Variants in LMF1 observed in about 807,000 individuals in gnomAD.
LMF1 encodes the protein transmembrane protein 112.
A neutral mutation model predicts 60.6 loss-of-function variants in LMF1; 68 were observed. The ratio of observed to expected loss-of-function variants is 1.12; its 90% CI spans 0.92 to 1.37. LMF1 has a LOEUF of 1.37. Among genes scored for constraint, LMF1 ranks in the 40% most tolerant of loss-of-function variants. The pLI is 0.00. For missense variants in LMF1, 948 were observed against 767.2 expected (o/e 1.24, Z -2.78); for synonymous variants, 418 against 324.7 (o/e 1.29, Z -3.09).
At chr16:981,485 C>G (rs2073375938), upstream of LMF1, 2 of 247,274 alleles carry the variant, frequency 8.1e-6, no homozygotes, top group South Asian at 6.0e-5. Context: ...GGAGAGGAAG[C>G]GCCGGAGACC....
intron 3 of LMF1, among the ~76,000 whole-genome samples, chr16:914,634 A>G: frequency 7.0e-6 from 1 of 143,160 alleles, no homozygotes. Flanking sequence ...CATTGGTGAC[A>G]CACTCCCTCC....
upstream of LMF1, chr16:981,343 AGAGAGTGT>A (rs1328595022): frequency 2.8e-3 from 653 of 232,654 alleles, no homozygotes; most frequent in African/African-American, 0.011. Context: ...AGAGAGAGAG[AGAGAGTGT>A]GTGTGTGTGT....
chr16:932,153 A>G (rs1025033984), intron 3 of LMF1, among the ~76,000 whole-genome samples: 1 of 152,204 alleles, frequency 6.6e-6, no homozygotes, highest in South Asian at 2.1e-4. Flanking sequence ...TGCCTCTGGG[A>G]GTCCACTGCC....
intron 5 of LMF1, among the ~76,000 whole-genome samples, chr16:889,297 C>A (rs762041403): frequency 6.6e-6 from 1 of 152,044 alleles, no homozygotes; most frequent in African/African-American, 2.4e-5. Context: ...CTGAATTTGC[C>A]GGCAACTGCC....
chr16:970,351 A>G (rs2073015474), intron 1 of LMF1, among the ~76,000 whole-genome samples: 2 of 152,116 alleles, frequency 1.3e-5, no homozygotes, highest in Admixed American at 1.3e-4. Context: ...GGACAGCAGG[A>G]GCGCCTCGCC....
intron 2 of LMF1, among the ~76,000 whole-genome samples, chr16:948,407 G>A (rs113381936): frequency 0.018 from 2,764 of 149,614 alleles, 137 homozygotes; most frequent in African/African-American, 0.065. Context: ...GCCAACGACA[G>A]AGTCAAAGCC....
intron 1 of LMF1, among the ~76,000 whole-genome samples, chr16:967,944 G>A (rs532811308): frequency 2.0e-5 from 3 of 151,946 alleles, no homozygotes; most frequent in African/African-American, 4.8e-5. Context: ...CTAGGGACCC[G>A]AGTCCACACG....
chr16:981,096 C>T (rs1330784970), intron 1 of LMF1: 13 of 368,724 alleles, frequency 3.5e-5, no homozygotes, highest in Non-Finnish European at 7.2e-5. Context: ...ATGGGCAGGG[C>T]GGCCCGGGGT....
At chr16:979,895 G>A (rs906644002) in intron 1 of LMF1, 5 of 394,132 alleles carry the variant, frequency 1.3e-5, no homozygotes, top group Non-Finnish European at 2.6e-5. Context: ...CGCCCCAGGC[G>A]ATGCTCTGAG....
chr16:923,555 G>A (rs938255409), intron 3 of LMF1, among the ~76,000 whole-genome samples: 5 of 152,158 alleles, frequency 3.3e-5, no homozygotes, highest in African/African-American at 1.2e-4. Flanking sequence ...AGACTAGCCT[G>A]AGCAACAGAG....
At chr16:935,742 C>T (rs991698202) in intron 2 of LMF1, among the ~76,000 whole-genome samples, 1 of 152,254 alleles carries the variant, frequency 6.6e-6, no homozygotes, top group African/African-American at 2.4e-5. Context: ...ATGAAATCCA[C>T]AGGAATGAAA....
At chr16:888,293 G>A (rs1299488994) in intron 5 of LMF1, among the ~76,000 whole-genome samples, 1 of 152,232 alleles carries the variant, frequency 6.6e-6, no homozygotes, top group African/African-American at 2.4e-5. Flanking sequence ...TGTGGAAGGA[G>A]CGCCGTGGGA....
At chr16:893,193 G>T in intron 4 of LMF1, 121 bp from the exon 5 acceptor site, 2 of 834,094 alleles carry the variant, frequency 2.4e-6, no homozygotes, top group Admixed American at 2.0e-5. Context: ...GGCTGCAGGC[G>T]CTGTGAGGGA....
intron 8 of LMF1, among the ~76,000 whole-genome samples, chr16:870,348 T>C (rs936466849): frequency 2.0e-5 from 3 of 152,080 alleles, no homozygotes; most frequent in Non-Finnish European, 4.4e-5. Context: ...AGGGTGGACA[T>C]GAGGGGGACA....
Position 854,407 on chromosome 16 carries a change from TG to T in LMF1, c.*124del. On this transcript the variant is annotated 3_prime_UTR_variant, in exon 11 of 11. Coordinates refer to ENST00000262301, the MANE Select transcript of LMF1 (RefSeq NM_022773.4). ...CACCCTGGACCCCCGTGCTGGGGGCTGGGTCCCACCGCTCTCCTCTCCACGT... is the reference window on the plus strand; with the variant it reads ...CACCCTGGACCCCCGTGCTGGGGGCTGGTCCCACCGCTCTCCTCTCCACGT... 2 of 986,436 alleles carry T rather than the reference TG, an allele frequency of 2.0e-6. No individual in the cohort carries two copies. Among genetic ancestry groups the T allele is most frequent in the African/African-American group, 1.6e-5 (1 of 62,214 alleles). 61.1% of individuals were successfully genotyped at this position (986,436 alleles called of 1,614,324 possible).
intron 2 of LMF1, among the ~76,000 whole-genome samples, chr16:952,966 C>CACGG (rs1183848633): frequency 1.4e-5 from 1 of 72,176 alleles, no homozygotes; most frequent in African/African-American, 1.0e-4. Flanking sequence ...TCCACACAGA[C>CACGG]ACCCCAAACC....
chr16:967,173 G>A (rs542220469), intron 1 of LMF1, among the ~76,000 whole-genome samples: 1 of 152,320 alleles, frequency 6.6e-6, no homozygotes, highest in Non-Finnish European at 1.5e-5. Flanking sequence ...GCCCATGGAC[G>A]GACCTGGCCA....
chr16:952,803 G>A (rs756332994), intron 2 of LMF1, among the ~76,000 whole-genome samples: 194 of 131,132 alleles, frequency 1.5e-3, no homozygotes, highest in Non-Finnish European at 2.0e-3. Flanking sequence ...CCTCCTACAT[G>A]TCCACACAGA....
intron 3 of LMF1, among the ~76,000 whole-genome samples, chr16:924,108 A>C (rs1055400027): frequency 6.6e-6 from 1 of 152,246 alleles, no homozygotes; most frequent in Non-Finnish European, 1.5e-5. Context: ...AAGACAATCA[A>C]ACTAATAAAA....
Sources: allele counts gnomAD v4.1 joint callset (sites outside exome capture counted in the v4.1 genomes callset), GRCh38; gene constraint gnomAD v4.1.1; transcripts MANE v1.5; gene names NCBI Gene and HGNC (gene_info 2026-07-23, HGNC 2026-07-21).